The following FH variants were observed in gnomAD, a reference collection of about 807,000 sequenced individuals.
FH encodes the protein fumarate hydratase, also known as fumarate hydratase, mitochondrial.
FH carries 22 observed loss-of-function variants against 49.4 expected under a neutral mutation model. The ratio of observed to expected loss-of-function variants is 0.45; its 90% confidence interval spans 0.32 to 0.64. FH has a LOEUF of 0.64. Ranked by LOEUF, FH falls within the 30% of genes least tolerant of loss-of-function variation. The pLI, the probability that FH is intolerant of heterozygous loss-of-function variation, is 0.05. For synonymous variants in FH, 208 were observed against 223.0 expected (o/e 0.93, Z 0.60); for missense variants, 526 against 641.5 (o/e 0.82, Z 1.95).
At chr1:241,500,651 G>GCAACATGT in intron 8 of FH, 61 bp from the exon 9 acceptor site, 1 of 1,310,082 alleles carries the variant, frequency 7.6e-7, no homozygotes, top group Non-Finnish European at 1.1e-6. Flanking sequence ...CATTACTAAG[G>GCAACATGT]CAACATGTTT....
chr1:241,502,360 A>G (rs1197709790), intron 8 of FH, 83 bp downstream of exon 8: 24 of 1,523,332 alleles, frequency 1.6e-5, no homozygotes, highest in Admixed American at 8.4e-5. Flanking sequence ...CCAATGTGGA[A>G]TCACTAGAAG....
intron 3 of FH, among the ~76,000 whole-genome samples, chr1:241,513,205 T>C (rs180950827): frequency 1.3e-5 from 2 of 152,240 alleles, no homozygotes; most frequent in Middle Eastern, 3.4e-3. Flanking sequence ...TTACCTCTGA[T>C]TGCTTCTTTA....
intron 1 of FH, 49 bp from the exon 2 acceptor site, chr1:241,517,365 T>TAGC (rs1389664928): frequency 1.9e-6 from 3 of 1,603,644 alleles, no homozygotes; most frequent in East Asian, 4.5e-5. Flanking sequence ...AAACCCAGGA[T>TAGC]CAAAAGTAAT....
chr1:241,513,035 A>C (rs11810820), intron 3 of FH, among the ~76,000 whole-genome samples: 10,911 of 152,110 alleles, frequency 0.072, 535 homozygotes, highest in Non-Finnish European at 0.1. Flanking sequence ...TATTTCTCAT[A>C]GGCTAGGCTT....
At chr1:241,510,077 A>G (rs1181626080) in intron 4 of FH, among the ~76,000 whole-genome samples, 1 of 152,200 alleles carries the variant, frequency 6.6e-6, no homozygotes, top group Non-Finnish European at 1.5e-5. Context: ...TATAGAACAT[A>G]AATTCATAAA....
chr1:241,510,602 A>G (rs1660059413), intron 4 of FH, among the ~76,000 whole-genome samples: 1 of 152,226 alleles, frequency 6.6e-6, no homozygotes, highest in African/African-American at 2.4e-5. Flanking sequence ...TTAAAACACC[A>G]TGGAAGTAAT....
intron 1 of FH, 48 bp from the exon 2 acceptor site, chr1:241,517,364 AT>A (rs1558402304): frequency 6.2e-7 from 1 of 1,603,850 alleles, no homozygotes; most frequent in South Asian, 1.1e-5. Context: ...GAAACCCAGG[AT>A]CAAAAGTAAT....
chr1:241,509,540 G>A (rs1660025466), intron 4 of FH, among the ~76,000 whole-genome samples: 1 of 152,172 alleles, frequency 6.6e-6, no homozygotes, highest in Non-Finnish European at 1.5e-5. Context: ...TTCAGAGGCT[G>A]AGGCAGGAGG....
intron 8 of FH, 52 bp from the exon 9 acceptor site, chr1:241,500,642 A>G (rs1659756107): frequency 6.2e-7 from 1 of 1,604,560 alleles, no homozygotes; most frequent in Admixed American, 1.7e-5. Flanking sequence ...AGAGAGAGAC[A>G]TTACTAAGGC....
chr1:241,513,456 C>T lies in FH; in HGVS notation c.378+147G>A, dbSNP rs186255996. 5.9e-4 allele frequency: 428 copies of T among 724,886 alleles called. 1 individual carries two copies. The highest frequency in any genetic ancestry group is 1.5e-3 in the Admixed American group (71 of 47,650). The allele number at this position is 724,886 out of a possible 1,614,324, so 44.9% of individuals were successfully genotyped here. ...AACGTTTTAAGCACCATATTAATAT[C>T]ACCACTAAAAATAATGCTACCACCC... On this transcript the variant is annotated intron_variant, in intron 3 of 9. Coordinates refer to ENST00000366560, the MANE Select transcript of FH (RefSeq NM_000143.4).
chr1:241,516,221 C>A (rs539061958), intron 2 of FH, among the ~76,000 whole-genome samples: 2 of 152,138 alleles, frequency 1.3e-5, no homozygotes, highest in Non-Finnish European at 2.9e-5. Context: ...AAATAAAAAT[C>A]CAAAATAACT....
intron 4 of FH, among the ~76,000 whole-genome samples, chr1:241,511,200 G>A (rs753627565): frequency 3.9e-5 from 6 of 152,256 alleles, no homozygotes; most frequent in Non-Finnish European, 5.9e-5. Flanking sequence ...GTGTCCTTAC[G>A]AAGAGACCCC....
chr1:241,502,208 G>A (rs1217225716), intron 8 of FH, among the ~76,000 whole-genome samples: 1 of 151,992 alleles, frequency 6.6e-6, no homozygotes, highest in Non-Finnish European at 1.5e-5. Flanking sequence ...TTGTAGGGAG[G>A]CATTTTATTT....
intron 5 of FH, among the ~76,000 whole-genome samples, chr1:241,507,159 A>G (rs1659952075): frequency 6.6e-6 from 1 of 152,212 alleles, no homozygotes; most frequent in South Asian, 2.1e-4. Context: ...CCGTATTTTT[A>G]CTGTACCTTT....
In FH at chr1:241,502,434, A is replaced by G; in HGVS notation, c.1236+9T>C. ...TCAAAAAACATTAAAAATCAGATTT[A>G]AAGCTTACCATCATTGGCTTGAAAA... On this transcript the variant is annotated intron_variant, in intron 8 of 9. Transcript: ENST00000366560. 1 of 1,613,972 alleles carries G rather than the reference A, an allele frequency of 6.2e-7. No individual in the cohort carries two copies. Among genetic ancestry groups the G allele is most frequent in the Non-Finnish European group, 8.5e-7 (1 of 1,179,908 alleles).
rs201689081 is a variant in FH at position 241,512,160 on chromosome 1, A to G, written c.379-17T>C. On this transcript the variant is annotated splice_polypyrimidine_tract_variant and intron_variant, in intron 3 of 9. Transcript: ENST00000366560. ...TTCAGCTACCTGCAGAAAAAATGTT[A>G]AAAATGTATTTTAAAAAAGGAAATA... 41 of 1,609,064 alleles carry G rather than the reference A, an allele frequency of 2.5e-5. 2 individuals are homozygous for G. In the South Asian group the frequency reaches 4.5e-4, roughly 18 times the overall value.
chr1:241,502,227 C>T (rs931522797), intron 8 of FH, among the ~76,000 whole-genome samples: 7 of 151,874 alleles, frequency 4.6e-5, no homozygotes, highest in South Asian at 2.1e-4. Flanking sequence ...TTTTCTTAAA[C>T]GGGCTATTAA....
chr1:241,505,580 G>A (rs1272521250), intron 6 of FH, among the ~76,000 whole-genome samples: 1 of 151,966 alleles, frequency 6.6e-6, no homozygotes, highest in African/African-American at 2.4e-5. Flanking sequence ...GGAAAGACAT[G>A]GTTCAAAAAG....
chr1:241,506,361 T>C (rs1241297108), intron 5 of FH, among the ~76,000 whole-genome samples, 193 bp from the exon 6 acceptor site: 2 of 152,220 alleles, frequency 1.3e-5, no homozygotes, highest in Admixed American at 1.3e-4. Context: ...TATAGAACCA[T>C]AAGGTACGAC....
Sources: gnomAD v4.1 joint callset for allele counts (sites outside exome capture counted in the v4.1 genomes callset) on GRCh38, gnomAD v4.1.1 for gene constraint, MANE v1.5 for transcripts, NCBI Gene and HGNC (gene_info 2026-07-23, HGNC 2026-07-21) for gene names.